The following GNB1L variants were observed in gnomAD, a reference collection of about 807,000 sequenced individuals.
The protein encoded by GNB1L is G protein subunit beta 1 like.
In GNB1L, 20 loss-of-function variants were observed where a neutral mutation model predicts 29.1. That is an observed-to-expected ratio of 0.69 (90% CI 0.48 to 1.00). The LOEUF is 1.00. Among genes scored for constraint, GNB1L ranks in the 50% least tolerant of loss-of-function variants. The pLI is 0.00. For missense variants in GNB1L, 421 were observed against 464.9 expected (o/e 0.91, Z 0.87); for synonymous variants, 193 against 206.5 (o/e 0.93, Z 0.56).
chr22:19,826,632 C>T (rs115795871), intron 2 of GNB1L, among the ~76,000 whole-genome samples: 2,263 of 152,282 alleles, frequency 0.015, 49 homozygotes, highest in African/African-American at 0.051. Context: ...GGTTGGGAAA[C>T]AGGAGATGTG....
At chr22:19,851,178 G>A in intron 2 of GNB1L, 1 of 1,590,578 alleles carries the variant, frequency 6.3e-7, no homozygotes, top group Non-Finnish European at 8.6e-7. Flanking sequence ...CAGAACCCAG[G>A]AGAAAGTGGT....
chr22:19,851,609 C>A (rs1304266803), intron 2 of GNB1L: 3 of 1,596,472 alleles, frequency 1.9e-6, no homozygotes, highest in Non-Finnish European at 2.6e-6. Context: ...CTCTAAGAAC[C>A]TAGCTAAGTA....
At chr22:19,825,456 C>T (rs1041502922) in intron 2 of GNB1L, among the ~76,000 whole-genome samples, 2 of 148,330 alleles carry the variant, frequency 1.3e-5, no homozygotes, top group African/African-American at 5.0e-5. Flanking sequence ...CTTGCCTTTA[C>T]AAAAAATAAA....
At chr22:19,842,574 C>T (rs60669807) in intron 2 of GNB1L, among the ~76,000 whole-genome samples, 1,721 of 152,332 alleles carry the variant, frequency 0.011, 32 homozygotes, top group African/African-American at 0.039. Flanking sequence ...GCCAAGGACA[C>T]ATCCCCCTTC....
At chr22:19,793,248 T>C (rs1399067947) in intron 7 of GNB1L, among the ~76,000 whole-genome samples, 1 of 152,012 alleles carries the variant, frequency 6.6e-6, no homozygotes, top group African/African-American at 2.4e-5. Flanking sequence ...ATGGAAATTA[T>C]AAAAAAGAGT....
intron 6 of GNB1L, 107 bp downstream of exon 6, chr22:19,806,551 GT>G: frequency 2.2e-5 from 15 of 676,188 alleles, no homozygotes; most frequent in African/African-American, 2.2e-4. Context: ...CGGCAGGGGG[GT>G]GGGGTGTTGC....
At chr22:19,789,163 C>T (rs1181626274) in intron 7 of GNB1L, among the ~76,000 whole-genome samples, 1 of 152,210 alleles carries the variant, frequency 6.6e-6, no homozygotes, top group Non-Finnish European at 1.5e-5. Context: ...GAGTGGTCTT[C>T]GGCCCTGCCC....
chr22:19,853,586 T>C (rs1938161711), intron 2 of GNB1L, among the ~76,000 whole-genome samples: 1 of 152,206 alleles, frequency 6.6e-6, no homozygotes, highest in Non-Finnish European at 1.5e-5. Flanking sequence ...TCCTATCTGC[T>C]GGCCATCCCC....
chr22:19,814,704 C>G (rs1327244200), intron 4 of GNB1L, among the ~76,000 whole-genome samples: 1 of 152,114 alleles, frequency 6.6e-6, no homozygotes, highest in East Asian at 1.9e-4. Context: ...GAGAAAATAT[C>G]AGACAAACCC....
At chr22:19,817,568 G>A (rs1401088888) in intron 4 of GNB1L, among the ~76,000 whole-genome samples, 1 of 152,244 alleles carries the variant, frequency 6.6e-6, no homozygotes, top group Non-Finnish European at 1.5e-5. Context: ...AGATAAAGTT[G>A]AGTGAGAGAA....
At chr22:19,820,045 C>T (rs191143360) in intron 4 of GNB1L, among the ~76,000 whole-genome samples, 51 of 152,190 alleles carry the variant, frequency 3.4e-4, no homozygotes, top group Admixed American at 1.4e-3. Context: ...GGGACACACA[C>T]GGCCAGGGCT....
intron 4 of GNB1L, among the ~76,000 whole-genome samples, chr22:19,814,813 G>A (rs1486921703): frequency 6.6e-6 from 1 of 152,186 alleles, no homozygotes; most frequent in South Asian, 2.1e-4. Flanking sequence ...TGGGAGGACT[G>A]CTCGAGCCCA....
chr22:19,840,487 C>A (rs1318468518), intron 2 of GNB1L, among the ~76,000 whole-genome samples: 4 of 152,328 alleles, frequency 2.6e-5, no homozygotes, highest in Admixed American at 6.5e-5. Flanking sequence ...CTAGGTCATG[C>A]TGACCACACG....
At chr22:19,845,807 G>C (rs1343810040) in intron 2 of GNB1L, among the ~76,000 whole-genome samples, 4 of 152,268 alleles carry the variant, frequency 2.6e-5, no homozygotes, top group African/African-American at 9.6e-5. Context: ...CACTGCTGGG[G>C]CTGGGCAAGG....
chr22:19,806,653 C>T lies in GNB1L; in HGVS notation c.516+6G>A, dbSNP rs200436096. 1.9e-6 allele frequency: 3 copies of T among 1,592,962 alleles called. No individual in the cohort carries two copies. In the Admixed American group the frequency reaches 5.0e-5, roughly 27 times the overall value. On this transcript the variant is annotated splice_donor_region_variant and intron_variant, in intron 6 of 7. Transcript: ENST00000329517. ...CAGGGCGTGGCTGGTGCACGCGGGG[C>T]CTTACCTGCCACAGCCGCAGGCACA...
intron 2 of GNB1L, chr22:19,846,587 A>AGT (rs1569055909): frequency 6.1e-6 from 6 of 982,786 alleles, no homozygotes; most frequent in Non-Finnish European, 7.2e-6. Flanking sequence ...GGGCAGAACT[A>AGT]TGTCCCTTCA....
At chr22:19,815,340 C>G (rs966548620) in intron 4 of GNB1L, among the ~76,000 whole-genome samples, 19 of 152,200 alleles carry the variant, frequency 1.2e-4, no homozygotes, top group African/African-American at 4.6e-4. Context: ...TTTGGAGAAC[C>G]TGCCAAACTG....
At chr22:19,789,836 CAA>C (rs574569982) in intron 7 of GNB1L, among the ~76,000 whole-genome samples, 45,467 of 107,276 alleles carry the variant, frequency 0.42, 7,553 homozygotes, top group East Asian at 0.61. Flanking sequence ...GACCCTGTCT[CAA>C]AAAAAAAAAA....
intron 4 of GNB1L, 148 bp downstream of exon 4, chr22:19,820,450 A>G (rs760168926): frequency 3.7e-6 from 3 of 818,584 alleles, no homozygotes; most frequent in Non-Finnish European, 5.7e-6. Context: ...CTGGACCTGC[A>G]CACCCTGCCC....
Sources: allele counts gnomAD v4.1 joint callset (sites outside exome capture counted in the v4.1 genomes callset), GRCh38; gene constraint gnomAD v4.1.1; transcripts MANE v1.5; gene names NCBI Gene and HGNC (gene_info 2026-07-23, HGNC 2026-07-21).